The following SYN3 variants were observed in gnomAD, a reference collection of about 807,000 sequenced individuals.
SYN3 encodes synapsin-3.
In SYN3, 35 loss-of-function variants were observed where a neutral mutation model predicts 65.8. That is an observed-to-expected ratio of 0.53 (90% confidence interval 0.41 to 0.70). The LOEUF (loss-of-function observed/expected upper bound fraction) is 0.70. Among genes scored for constraint, SYN3 ranks in the 30% least tolerant of loss-of-function variants. The probability of loss-of-function intolerance (pLI) is 0.00; values close to 1 mark genes in which losing one functional copy is unlikely to be tolerated. For missense variants in SYN3, 680 were observed against 749.0 expected (o/e 0.91, Z 1.08); for synonymous variants, 270 against 292.9 (o/e 0.92, Z 0.80).
chr22:32,987,371 G>A (rs1003487216), intron 2 of SYN3, among the ~76,000 whole-genome samples: 3 of 152,174 alleles, frequency 2.0e-5, no homozygotes, highest in Admixed American at 6.5e-5. Flanking sequence ...TGGATGGGCA[G>A]AGATGTGGCA....
At chr22:32,637,108 C>A (rs2146854042) in intron 6 of SYN3, among the ~76,000 whole-genome samples, 1 of 152,298 alleles carries the variant, frequency 6.6e-6, no homozygotes, top group South Asian at 2.1e-4. Flanking sequence ...TTCTGTTCTA[C>A]ACAGGGAGTC....
At chr22:32,873,324 G>T (rs1321036023) in intron 4 of SYN3, among the ~76,000 whole-genome samples, 2 of 147,064 alleles carry the variant, frequency 1.4e-5, no homozygotes, top group Non-Finnish European at 3.0e-5. Flanking sequence ...CATGTACAAG[G>T]GCATAAGGTG....
At chr22:33,024,268 C>A (rs144454568) in intron 1 of SYN3, among the ~76,000 whole-genome samples, 99 of 152,344 alleles carry the variant, frequency 6.5e-4, no homozygotes, top group African/African-American at 2.3e-3. Context: ...TTCTTTCCAT[C>A]ACAGACCTAT....
chr22:32,510,149 C>T lies in SYN3; in HGVS notation c.*3543G>A, dbSNP rs1468000434. ...GTTTCACTCACTAAAGGAGTGGGTT[C>T]GTAGCTGCGTTGGAGACTGCAGCAC... On this transcript the variant is annotated 3_prime_UTR_variant, in exon 14 of 14. Transcript: ENST00000358763. Among the ~76,000 whole-genome samples the T allele has an allele frequency of 6.6e-6, 1 of 152,140 alleles. No homozygotes were observed. The highest frequency in any genetic ancestry group is 1.5e-5 in the Non-Finnish European group (1 of 68,036).
intron 6 of SYN3, among the ~76,000 whole-genome samples, chr22:32,715,788 A>G (rs888487357): frequency 1.3e-5 from 2 of 151,816 alleles, no homozygotes; most frequent in East Asian, 3.9e-4. Flanking sequence ...CAAAAAAAAA[A>G]AAAAAAAAAA....
chr22:32,590,817 A>G (rs2059117522), intron 7 of SYN3, among the ~76,000 whole-genome samples: 1 of 152,184 alleles, frequency 6.6e-6, no homozygotes, highest in South Asian at 2.1e-4. Flanking sequence ...TGTTGATTAG[A>G]GCTTTTGGCA....
intron 6 of SYN3, among the ~76,000 whole-genome samples, chr22:32,604,568 A>AATCCCATCTCATACTCAT (rs1263275574): frequency 1.7e-5 from 2 of 114,774 alleles, no homozygotes; most frequent in African/African-American, 6.9e-5. Context: ...TTTCTAGGCC[A>AATCCCATCTCATACTCAT]GTCCCGTCTC....
intron 6 of SYN3, among the ~76,000 whole-genome samples, chr22:32,794,336 G>A (rs905472858): frequency 6.6e-5 from 10 of 152,140 alleles, no homozygotes; most frequent in African/African-American, 2.4e-4. Context: ...TAGCCTATGT[G>A]ACAATGAAAT....
intron 10 of SYN3, among the ~76,000 whole-genome samples, chr22:32,532,130 C>A (rs1337727390): frequency 6.6e-6 from 1 of 152,288 alleles, no homozygotes; most frequent in Non-Finnish European, 1.5e-5. Context: ...GGAGACAGGG[C>A]CCCTGCTCTT....
At chr22:32,860,818 G>C (rs573491309) in intron 6 of SYN3, 1 of 151,850 alleles carries the variant, frequency 6.6e-6, no homozygotes, top group Non-Finnish European at 1.5e-5. Flanking sequence ...CCTGGTGGGT[G>C]AATGCCACCT....
At chr22:32,828,156 C>A (rs551943925) in intron 6 of SYN3, among the ~76,000 whole-genome samples, 4 of 152,302 alleles carry the variant, frequency 2.6e-5, no homozygotes, top group Admixed American at 2.6e-4. Context: ...AAAGAATGCC[C>A]TTTTGACAGC....
intron 6 of SYN3, among the ~76,000 whole-genome samples, chr22:32,693,253 C>T (rs1336386276): frequency 6.6e-6 from 1 of 152,082 alleles, no homozygotes; most frequent in African/African-American, 2.4e-5. Flanking sequence ...AAAATCAAGC[C>T]CCGTGACACC....
chr22:32,835,508 G>A, intron 6 of SYN3, among the ~76,000 whole-genome samples: 1 of 152,078 alleles, frequency 6.6e-6, no homozygotes, highest in Non-Finnish European at 1.5e-5. Context: ...GTGAGGAAGT[G>A]TTTTTTGATT....
intron 4 of SYN3, among the ~76,000 whole-genome samples, chr22:32,919,485 C>T (rs2050279042): frequency 6.6e-6 from 1 of 152,182 alleles, no homozygotes; most frequent in Non-Finnish European, 1.5e-5. Context: ...CAGCTTAATG[C>T]ATACAGAGAC....
intron 6 of SYN3, chr22:32,857,103 T>C (rs571455824): frequency 2.8e-6 from 2 of 714,430 alleles, no homozygotes; most frequent in African/African-American, 1.7e-5. Context: ...CTATTGTGAA[T>C]ATTGCTGCAG....
intron 7 of SYN3, among the ~76,000 whole-genome samples, chr22:32,567,352 C>T (rs4993263): frequency 1.0e-3 from 128 of 124,700 alleles, no homozygotes; most frequent in South Asian, 2.3e-3. Context: ...CTCCCTCCCT[C>T]CCTTCTTTCC....
At chr22:32,827,270 C>A (rs1036154324) in intron 6 of SYN3, among the ~76,000 whole-genome samples, 4 of 152,200 alleles carry the variant, frequency 2.6e-5, no homozygotes, top group African/African-American at 9.7e-5. Flanking sequence ...GCAGCAAAAA[C>A]AGAGCCAGGC....
At chr22:32,851,821 A>G (rs1319444068) in intron 6 of SYN3, among the ~76,000 whole-genome samples, 1 of 152,104 alleles carries the variant, frequency 6.6e-6, no homozygotes, top group African/African-American at 2.4e-5. Flanking sequence ...GGGTATCATG[A>G]TCCATAGAAC....
chr22:33,008,980 AAAAAG>A (rs992130128), intron 1 of SYN3, among the ~76,000 whole-genome samples: 1 of 149,078 alleles, frequency 6.7e-6, no homozygotes, highest in Non-Finnish European at 1.5e-5. Flanking sequence ...GAGAGAAAAG[AAAAAG>A]AAAAAAGAAA....
Sources: gnomAD v4.1 joint callset for allele counts (sites outside exome capture counted in the v4.1 genomes callset) on GRCh38, gnomAD v4.1.1 for gene constraint, MANE v1.5 for transcripts, NCBI Gene and HGNC (gene_info 2026-07-23, HGNC 2026-07-21) for gene names.